The following CC2D1B variants were observed in gnomAD, a reference collection of about 807,000 sequenced individuals.
CC2D1B encodes coiled-coil and C2 domain containing 1B.
CC2D1B carries 92 observed loss-of-function variants against 110.8 expected under a neutral mutation model. The ratio of observed to expected loss-of-function variants is 0.83; its 90% CI spans 0.70 to 0.99. The LOEUF is 0.99. Among genes scored for constraint, CC2D1B ranks in the 50% least tolerant of loss-of-function variants. The pLI, the probability that CC2D1B is intolerant of heterozygous loss-of-function variation, is 0.00. For missense variants in CC2D1B, 1,136 were observed against 1,089.0 expected (o/e 1.04, Z -0.61); for synonymous variants, 406 against 429.2 (o/e 0.95, Z 0.67).
rs965420492 is a variant in CC2D1B at position 52,358,227 on chromosome 1, G to T, written c.1461+104C>A. ...TTTTTTCTCTGTACAGTGGAGGAAA[G>T]AATATGTACCTTATTGGGCTTGTTA... is the stretch of plus-strand genomic sequence containing the variant. On this transcript the variant is annotated intron_variant, in intron 13 of 24. Transcript: ENST00000284376. The T allele has an allele frequency of 3.4e-6, 5 of 1,469,122 alleles. No individual in the cohort carries two copies. In the African/African-American group the frequency reaches 7.1e-5, roughly 21 times the overall value. The allele number at this position is 1,469,122 out of a possible 1,614,324, so 91.0% of individuals were successfully genotyped here. A position where few individuals can be genotyped will look rare whatever the true frequency, so the allele number is the denominator to read the frequency against.
In CC2D1B at chr1:52,354,784, C is replaced by G. The variant is rs933395361; in HGVS notation, c.2339+56G>C. 7 of 1,601,240 alleles carry G rather than the reference C, an allele frequency of 4.4e-6. No homozygotes were observed. In the African/African-American group the frequency reaches 9.4e-5, roughly 21 times the overall value. On this transcript the variant is annotated intron_variant, in intron 22 of 24. Coordinates refer to ENST00000284376, the MANE Select transcript of CC2D1B (RefSeq NM_001330585.2). Reference sequence around the variant, plus strand: ...TGAGCCCATGCAGGGGCAGCAGTGACAAACGCTCTTCCCTCCTCCCGGCCC... The same window carrying G: ...TGAGCCCATGCAGGGGCAGCAGTGAGAAACGCTCTTCCCTCCTCCCGGCCC...
At chr1:52,364,703 G>A in intron 1 of CC2D1B, 69 bp from the exon 2 acceptor site, 1 of 1,011,580 alleles carries the variant, frequency 9.9e-7, no homozygotes, top group Non-Finnish European at 1.5e-6. Flanking sequence ...TGCTACCCGT[G>A]GTAAGGTGTG....
Position 52,362,601 on chromosome 1 carries a change from C to A in CC2D1B, c.214+1G>T, listed in dbSNP as rs1273957030. ...AAGACCAGCCCTGTGTCCAAACTCA[C>A]CCTGCCCCTTGGGTGCTGGCTTCTT... On this transcript the variant is annotated splice_donor_variant, in intron 3 of 24. Coordinates refer to ENST00000284376, the MANE Select transcript of CC2D1B (RefSeq NM_001330585.2). LOFTEE classifies it high-confidence loss of function. 1 of 1,614,174 alleles carries A rather than the reference C, an allele frequency of 6.2e-7. No individual in the cohort carries two copies. The highest frequency in any genetic ancestry group is 1.7e-5 in the Admixed American group (1 of 60,024).
intron 24 of CC2D1B, 96 bp from the exon 25 acceptor site, chr1:52,353,319 ATAGT>A (rs776496909): frequency 5.3e-5 from 78 of 1,468,188 alleles, no homozygotes; most frequent in Non-Finnish European, 6.7e-5. Flanking sequence ...AGATAGATAG[ATAGT>A]TAAACCTTGG....
intron 11 of CC2D1B, 46 bp downstream of exon 11, chr1:52,358,981 A>C: frequency 4.4e-6 from 7 of 1,593,262 alleles, no homozygotes; most frequent in Non-Finnish European, 5.1e-6. Flanking sequence ...GCACCCAGCC[A>C]GGGAAGAGGC....
chr1:52,359,273 G>A lies in CC2D1B; in HGVS notation c.1103C>T (p.Ala368Val), dbSNP rs540888906. 6.2e-7 allele frequency: 1 copy of A among 1,612,932 alleles called. No individual in the cohort carries two copies. The highest frequency in any genetic ancestry group is 8.5e-7 in the Non-Finnish European group (1 of 1,179,480). ...PAVERVQPVM[A>V]PDVPATPVAP... ...ACCTGGGGTTGCTGGGACGTCAGGGGCCATCACTGGCTGCACTCGCTCCAC... is the reference window on the plus strand; with the variant it reads ...ACCTGGGGTTGCTGGGACGTCAGGGACCATCACTGGCTGCACTCGCTCCAC... Residue 368 changes from alanine (A) to valine (V), a missense_variant, in exon 10 of 25, where the codon GCC becomes GTC. Transcript: ENST00000284376.
intron 6 of CC2D1B, 70 bp from the exon 7 acceptor site, chr1:52,360,303 G>A: frequency 6.2e-7 from 1 of 1,600,616 alleles, no homozygotes; most frequent in East Asian, 2.2e-5. Context: ...AGACAGGCCA[G>A]GGGTGGCCCC....
chr1:52,362,277 C>T (rs1246974971), intron 3 of CC2D1B, among the ~76,000 whole-genome samples: 1 of 152,234 alleles, frequency 6.6e-6, no homozygotes, highest in Non-Finnish European at 1.5e-5. Context: ...ACTCGCTGGA[C>T]ACAATTTCTA....
At position 52,353,107 on chromosome 1, in the gene CC2D1B, C is replaced by T. The variant is rs1427610727; in HGVS notation, c.*118G>A. On this transcript the variant is annotated 3_prime_UTR_variant, in exon 25 of 25. Transcript: ENST00000284376. ...TCAGTAGTGCACATGCTTAACAGGT[C>T]TTTGGTGCTTGGGTAGCAGCATCTC... 2 of 1,071,452 alleles carry T rather than the reference C, an allele frequency of 1.9e-6. No individual in the cohort carries two copies. The highest frequency in any genetic ancestry group is 3.3e-5 in the African/African-American group (2 of 61,208). The allele number at this position is 1,071,452 out of a possible 1,614,324, so 66.4% of individuals were successfully genotyped here.
rs760991018 is a variant in CC2D1B at position 52,354,906 on chromosome 1, C to T, written c.2273G>A (p.Arg758Gln). The part of the protein sequence containing the change: ...FDQLFKLNIN[R>Q]NHRGFKRVIQ... ...CACCCTCTTGAAGCCCCGGTGGTTT[C>T]GGTTGATGTTTAGTTTGAAGAGTTG... is the stretch of plus-strand genomic sequence containing the variant. Residue 758 changes from arginine to glutamine, a missense_variant, in exon 22 of 25, where the codon CGA becomes CAA. Transcript: ENST00000284376. 13 of 1,613,974 alleles carry T rather than the reference C, an allele frequency of 8.1e-6. No individual in the cohort carries two copies. The Admixed American group carries it at 8.3e-5, about 10-fold the overall frequency.
intron 3 of CC2D1B, among the ~76,000 whole-genome samples, chr1:52,362,300 G>A (rs1354416924): frequency 6.6e-6 from 1 of 152,202 alleles, no homozygotes; most frequent in African/African-American, 2.4e-5. Flanking sequence ...TACTTCCTAT[G>A]TACCCAGTTC....
intron 18 of CC2D1B, 57 bp downstream of exon 18, chr1:52,356,129 G>A: frequency 6.9e-7 from 1 of 1,449,988 alleles, no homozygotes; most frequent in Non-Finnish European, 9.7e-7. Context: ...TCTGGCCTGG[G>A]CTCCCAGCCT....
chr1:52,360,831 G>C, intron 5 of CC2D1B, 143 bp downstream of exon 5: 1 of 1,089,536 alleles, frequency 9.2e-7, no homozygotes, highest in Non-Finnish European at 1.3e-6. Flanking sequence ...AGTTTCTTGT[G>C]CTCAGTTTCT....
chr1:52,365,846 T>G (rs1646870423), intron 1 of CC2D1B, among the ~76,000 whole-genome samples: 1 of 151,928 alleles, frequency 6.6e-6, no homozygotes, highest in East Asian at 1.9e-4. Flanking sequence ...ATTTCGGGAG[T>G]GACTCCGGCT....
At chr1:52,360,786 A>G (rs888240245) in intron 5 of CC2D1B, 188 bp downstream of exon 5, 5 of 898,132 alleles carry the variant, frequency 5.6e-6, no homozygotes, top group Non-Finnish European at 8.3e-6. Context: ...AGTCTAGGAG[A>G]ACAGAGAGGC....
intron 13 of CC2D1B, 79 bp downstream of exon 13, chr1:52,358,252 A>G (rs185713748): frequency 1.3e-6 from 2 of 1,538,088 alleles, no homozygotes; most frequent in Admixed American, 3.8e-5. Context: ...TGGGCTTGTT[A>G]GTATGGACAA....
At chr1:52,365,027 C>T (rs1235422269) in intron 1 of CC2D1B, among the ~76,000 whole-genome samples, 1 of 152,186 alleles carries the variant, frequency 6.6e-6, no homozygotes, top group East Asian at 1.9e-4. Flanking sequence ...TCAGCCACAA[C>T]AGACACATTC....
chr1:52,361,162 T>TG (rs756466813), intron 4 of CC2D1B, 30 bp from the exon 5 acceptor site: 60 of 1,613,148 alleles, frequency 3.7e-5, no homozygotes, highest in Non-Finnish European at 4.7e-5. Context: ...CCCAGGAGCT[T>TG]GGGGGCCTCA....
Position 52,353,525 on chromosome 1 carries a change from G to A in CC2D1B, c.2553C>T (p.Gly851=), listed in dbSNP as rs1646572251. 1 of 1,611,768 alleles carries A rather than the reference G, an allele frequency of 6.2e-7. No homozygotes were observed. Among genetic ancestry groups the A allele is most frequent in the Non-Finnish European group, 8.5e-7 (1 of 1,179,294 alleles). The change falls in exon 24 of 25, where the codon GGC becomes GGT. Residue 851 remains glycine (G), a synonymous_variant. Coordinates refer to ENST00000284376, the MANE Select transcript of CC2D1B (RefSeq NM_001330585.2). ...TENWLVLEPR[G]L The stretch of plus-strand genomic sequence containing the variant: ...GCCCAGAGAGCTGCCCACCTCACAA[G>A]CCCCTGGGCTCCAGAACCAGCCAGT...
Sources: allele counts gnomAD v4.1 joint callset (sites outside exome capture counted in the v4.1 genomes callset), GRCh38; gene constraint gnomAD v4.1.1; transcripts MANE v1.5; gene names NCBI Gene and HGNC (gene_info 2026-07-23, HGNC 2026-07-21).